SEPTIN9: variants seen among roughly 807,000 people sequenced by gnomAD.
SEPTIN9 encodes septin-9.
Under a neutral mutation model 56.6 loss-of-function variants are expected in SEPTIN9, and 13 were observed. The ratio of observed to expected loss-of-function variants is 0.23; its 90% CI spans 0.15 to 0.37. The LOEUF (loss-of-function observed/expected upper bound fraction) is 0.37, where lower values mean the gene tolerates loss of function less well. Among genes scored for constraint, SEPTIN9 ranks in the 10% least tolerant of loss-of-function variants. The probability of loss-of-function intolerance (pLI) is 1.00; values close to 1 mark genes in which losing one functional copy is unlikely to be tolerated. For synonymous variants in SEPTIN9, 332 were observed against 334.1 expected, an observed-to-expected ratio of 0.99 and a Z score of 0.07; for missense variants, 650 against 823.1, an observed-to-expected ratio of 0.79 and a Z score of 2.57.
chr17:77,325,109 G>T (rs565599065), intron 2 of SEPTIN9, among the ~76,000 whole-genome samples: 1 of 152,022 alleles, frequency 6.6e-6, no homozygotes, highest in Non-Finnish European at 1.5e-5. Flanking sequence ...GTGAGTCACC[G>T]CACCCAGGCT....
intron 3 of SEPTIN9, among the ~76,000 whole-genome samples, chr17:77,470,213 C>T: frequency 6.8e-6 from 1 of 146,414 alleles, no homozygotes; most frequent in East Asian, 2.1e-4. Flanking sequence ...CATCCGTCCA[C>T]TCACCCATCT....
At position 77,449,333 on chromosome 17, in the gene SEPTIN9, A is replaced by G. The variant is rs890323967; in HGVS notation, c.722-32811A>G. On this transcript the variant is annotated intron_variant, in intron 3 of 11. Transcript: ENST00000427177. The surrounding 1 kb of genome is among the most constrained non-coding windows in gnomAD (Gnocchi z 4.6). ...GCTCTGGAGACCCTCATTTGGTGAC[A>G]GCAAGAGGAACCACTGCAAGAGGGG... Among the ~76,000 whole-genome samples, 1 of 152,140 alleles carries G rather than the reference A, an allele frequency of 6.6e-6. No individual in the cohort carries two copies. The highest frequency in any genetic ancestry group is 2.4e-5 in the African/African-American group (1 of 41,406).
chr17:77,435,496 G>A lies in SEPTIN9; in HGVS notation c.721+32793G>A, dbSNP rs552030900. Among the ~76,000 whole-genome samples, 2 of 152,310 alleles carry A rather than the reference G, an allele frequency of 1.3e-5. No homozygotes were observed. Among genetic ancestry groups the A allele is most frequent in the Admixed American group, 6.5e-5 (1 of 15,306 alleles). ...GAAGTAGAGCAACCATGCCGGGCGGGTCGTCGTGCCCCAGTGCCGCCTGCC... is the reference window on the plus strand; with the variant it reads ...GAAGTAGAGCAACCATGCCGGGCGGATCGTCGTGCCCCAGTGCCGCCTGCC... On this transcript the variant is annotated intron_variant, in intron 3 of 11. Coordinates refer to ENST00000427177, the MANE Select transcript of SEPTIN9 (RefSeq NM_001113491.2). The surrounding 1 kb of genome is among the most constrained non-coding windows in gnomAD (Gnocchi z 4.5).
At chr17:77,491,623 A>G (rs1808772) in intron 8 of SEPTIN9, among the ~76,000 whole-genome samples, 81,777 of 150,790 alleles carry the variant, frequency 0.54, 23,015 homozygotes, top group African/African-American at 0.7. Flanking sequence ...GGCCAACATG[A>G]TGAAACCCCA....
At chr17:77,488,148 C>G (rs1192154424) in intron 5 of SEPTIN9, 92 bp from the exon 6 acceptor site, 13 of 1,170,860 alleles carry the variant, frequency 1.1e-5, no homozygotes, top group African/African-American at 3.0e-5. Flanking sequence ...TCATCGCTGC[C>G]TACCTGGGGT....
At position 77,294,130 on chromosome 17, in the gene SEPTIN9, A is replaced by T. The variant is rs1032935720; in HGVS notation, c.19+12576A>T. 8.2e-4 allele frequency among the ~76,000 whole-genome samples: 122 copies of T among 149,518 alleles called. 1 individual carries two copies. Among genetic ancestry groups the T allele is most frequent in the African/African-American group, 2.7e-3 (110 of 40,784 alleles). On this transcript the variant is annotated intron_variant, in intron 1 of 11. Transcript: ENST00000427177. ...AAAAAAAAAAAAAAACAACAAAAAA[A>T]AACATAGGCTGGGCGTGGTGGCTCA...
chr17:77,461,190 C>G (rs1485472447), intron 3 of SEPTIN9, among the ~76,000 whole-genome samples: 2 of 152,024 alleles, frequency 1.3e-5, no homozygotes, highest in Non-Finnish European at 2.9e-5. Flanking sequence ...CCTGTAATCC[C>G]AGTTACTCGG....
chr17:77,384,333 C>T (rs11871244), intron 2 of SEPTIN9, among the ~76,000 whole-genome samples: 2,206 of 151,958 alleles, frequency 0.015, 40 homozygotes, highest in African/African-American at 0.051. Context: ...CAGCACACGG[C>T]GACTTCTGCA....
At chr17:77,377,985 C>T (rs1248181277) in intron 2 of SEPTIN9, among the ~76,000 whole-genome samples, 2 of 152,158 alleles carry the variant, frequency 1.3e-5, no homozygotes, top group Non-Finnish European at 2.9e-5. Context: ...TCTTTGAGTT[C>T]AGAGCCCAGG....
rs1171234835 is a variant in SEPTIN9, at chr17:77,317,728, G to C, written c.76+10531G>C. On this transcript the variant is annotated intron_variant, in intron 2 of 11. Coordinates refer to ENST00000427177, the MANE Select transcript of SEPTIN9 (RefSeq NM_001113491.2). This position sits in a 1 kb window ranked among gnomAD's most constrained non-coding sequence, Gnocchi z 4.2. ...TGGCCGGGTGCAGTGGCTCACACCT[G>C]TAATCCCAGAGTGAAACTCTGTCTC... is the stretch of plus-strand genomic sequence containing the variant. Among the ~76,000 whole-genome samples the C allele has an allele frequency of 6.6e-6, 1 of 152,116 alleles. No homozygotes were observed. The highest frequency in any genetic ancestry group is 1.5e-5 in the Non-Finnish European group (1 of 68,020).
Position 77,413,913 on chromosome 17 carries a change from C to T in SEPTIN9, c.721+11210C>T, listed in dbSNP as rs560085322. 2.0e-5 allele frequency among the ~76,000 whole-genome samples: 3 copies of T among 150,800 alleles called. No individual in the cohort carries two copies. The East Asian group carries it at 5.8e-4, about 29-fold the overall frequency. ...TTCCGTGATGGAATTCTTACCTTTA[C>T]CATGCGTGTGCTACACTCAGTATTT... is the stretch of plus-strand genomic sequence containing the variant. On this transcript the variant is annotated intron_variant, in intron 3 of 11. Coordinates refer to ENST00000427177, the MANE Select transcript of SEPTIN9 (RefSeq NM_001113491.2).
chr17:77,414,235 C>T (rs958927820), intron 3 of SEPTIN9, among the ~76,000 whole-genome samples: 14 of 151,740 alleles, frequency 9.2e-5, no homozygotes, highest in African/African-American at 2.7e-4. Flanking sequence ...TGTACCACTA[C>T]GCCCGGCTAA....
At chr17:77,290,507 C>T (rs1035330252) in intron 1 of SEPTIN9, among the ~76,000 whole-genome samples, 1 of 151,810 alleles carries the variant, frequency 6.6e-6, no homozygotes, top group African/African-American at 2.4e-5. Context: ...GATCCACTCG[C>T]CTCAGCCTCC....
chr17:77,378,656 C>T lies in SEPTIN9; in HGVS notation c.77-23403C>T, dbSNP rs928133292. On this transcript the variant is annotated intron_variant, in intron 2 of 11. Transcript: ENST00000427177. ...TGGTCACCACTAATTATGGAAAGCACGGCAGACACTAGTGCCAGTAGCGCC... is the reference window on the plus strand; with the variant it reads ...TGGTCACCACTAATTATGGAAAGCATGGCAGACACTAGTGCCAGTAGCGCC... Among the ~76,000 whole-genome samples, 9 of 152,322 alleles carry T rather than the reference C, an allele frequency of 5.9e-5. No homozygotes were observed. The East Asian group carries it at 7.7e-4, about 13-fold the overall frequency.
In SEPTIN9 at chr17:77,337,982, A is replaced by G. The variant is rs530738810; in HGVS notation, c.76+30785A>G. ...GAGGCCAAGGTGGGCGGATCATTTG[A>G]GGTTAGGAGTTTGAGAACAGCCTGG... On this transcript the variant is annotated intron_variant, in intron 2 of 11. Coordinates refer to ENST00000427177, the MANE Select transcript of SEPTIN9 (RefSeq NM_001113491.2). Among the ~76,000 whole-genome samples, 3 of 152,264 alleles carry G rather than the reference A, an allele frequency of 2.0e-5. No individual in the cohort carries two copies. The East Asian group carries it at 5.8e-4, about 29-fold the overall frequency.
In SEPTIN9 at chr17:77,481,849, C is replaced by A. The variant is rs1333769211; in HGVS notation, c.722-295C>A. 5 of 463,908 alleles carry A rather than the reference C, an allele frequency of 1.1e-5. 1 individual carries two copies. The East Asian group carries it at 1.9e-4, about 18-fold the overall frequency. 28.7% of individuals were successfully genotyped at this position (463,908 alleles called of 1,614,324 possible). A position where few individuals can be genotyped will look rare whatever the true frequency, so the allele number is the denominator to read the frequency against. ...AGCCCTGCCTTGGAGCGCAGGGGGC[C>A]CCCAGCTTGGCACAGCTCCTAGAAG... On this transcript the variant is annotated intron_variant, in intron 3 of 11. Coordinates refer to ENST00000427177, the MANE Select transcript of SEPTIN9 (RefSeq NM_001113491.2).
chr17:77,304,566 G>C (rs1203340341), intron 1 of SEPTIN9, among the ~76,000 whole-genome samples: 1 of 152,160 alleles, frequency 6.6e-6, no homozygotes, highest in Non-Finnish European at 1.5e-5. Context: ...ATCTGGCCCA[G>C]GGAGGAGGAT....
chr17:77,472,269 C>T (rs1408950292), intron 3 of SEPTIN9, among the ~76,000 whole-genome samples: 3 of 152,194 alleles, frequency 2.0e-5, no homozygotes, highest in African/African-American at 7.2e-5. Context: ...CAATTGAAAC[C>T]GTGCTGGCAG....
intron 3 of SEPTIN9, among the ~76,000 whole-genome samples, chr17:77,427,712 G>A (rs1340568826): frequency 6.6e-6 from 1 of 152,170 alleles, no homozygotes; most frequent in Admixed American, 6.5e-5. Flanking sequence ...CTGCCTGCAG[G>A]GTCTTGAGCC....
Sources: gnomAD v4.1 joint callset for allele counts (sites outside exome capture counted in the v4.1 genomes callset) on GRCh38, gnomAD v4.1.1 for gene constraint, Gnocchi (gnomAD v3.1) non-coding constraint, MANE v1.5 for transcripts, NCBI Gene and HGNC (gene_info 2026-07-23, HGNC 2026-07-21) for gene names.